ZNF106: variants seen among roughly 807,000 people sequenced by gnomAD.
ZNF106 encodes the protein SH3-domain binding protein 3.
Under a neutral mutation model 195.1 loss-of-function variants are expected in ZNF106, and 67 were observed. The ratio of observed to expected loss-of-function variants is 0.34; its 90% confidence interval spans 0.28 to 0.42. The LOEUF (loss-of-function observed/expected upper bound fraction) is 0.42, where lower values mean the gene tolerates loss of function less well. ZNF106 is among the 10% of genes least tolerant of loss of function. ZNF106 has a pLI of 1.00. For synonymous variants in ZNF106, 784 were observed against 818.6 expected (o/e 0.96, Z 0.72); for missense variants, 2,118 against 2,304.5 (o/e 0.92, Z 1.66).
At chr15:42,435,270 G>T in intron 14 of ZNF106, 114 bp downstream of exon 14, 1 of 1,432,038 alleles carries the variant, frequency 7.0e-7, no homozygotes, top group Non-Finnish European at 9.6e-7. Context: ...TTGTTTAGAA[G>T]CAAAAAGGAG....
At chr15:42,447,950 T>C in intron 6 of ZNF106, 122 bp downstream of exon 6, 1 of 1,172,890 alleles carries the variant, frequency 8.5e-7, no homozygotes, top group Non-Finnish European at 1.2e-6. Flanking sequence ...ACCTCACAAT[T>C]CTTCTAGAAG....
Position 42,448,596 on chromosome 15 carries a change from T to C in ZNF106, c.2611A>G (p.Ile871Val). ...CTTGCCAAGCCAGGGGACGAGGAAA[T>C]GGAAACACCTTCCCACTGGAATCCT... ...LEGFQWEGVS[I>V]SSSPGLARKR... Residue 871 changes from isoleucine (I) to valine (V), a missense_variant, in exon 6 of 22, where the codon ATT becomes GTT. By Grantham distance (29) the Ile-to-Val change is conservative (BLOSUM62 3). Coordinates refer to ENST00000564754, the MANE Select transcript of ZNF106 (RefSeq NM_001366845.3). 1.9e-6 allele frequency: 3 copies of C among 1,614,062 alleles called. No homozygotes were observed. The highest frequency in any genetic ancestry group is 2.5e-6 in the Non-Finnish European group (3 of 1,180,010).
intron 3 of ZNF106, among the ~76,000 whole-genome samples, chr15:42,461,640 G>GT (rs1360297668): frequency 6.6e-6 from 1 of 152,184 alleles, no homozygotes; most frequent in African/African-American, 2.4e-5. Flanking sequence ...CATGAACCAA[G>GT]TAAGACCAGT....
At position 42,414,315 on chromosome 15, in the gene ZNF106, G is replaced by T. The variant is rs1318857605; in HGVS notation, c.*2989C>A. 6.6e-6 allele frequency: 1 copy of T among 152,202 alleles called. No homozygotes were observed. Among genetic ancestry groups the T allele is most frequent in the Non-Finnish European group, 1.5e-5 (1 of 68,042 alleles). 9.4% of individuals were successfully genotyped at this position (152,202 alleles called of 1,614,324 possible). On this transcript the variant is annotated 3_prime_UTR_variant, in exon 22 of 22. Coordinates refer to ENST00000564754, the MANE Select transcript of ZNF106 (RefSeq NM_001366845.3). The stretch of plus-strand genomic sequence containing the variant: ...TGTAAGTAGTAACACACAGCCATAA[G>T]CAGCCAAAATGCTTATGGTCCCTTT...
Position 42,417,190 on chromosome 15 carries a change from G to T in ZNF106, c.*114C>A. On this transcript the variant is annotated 3_prime_UTR_variant, in exon 22 of 22. Transcript: ENST00000564754. ...CTTATGCTAGGGGTATGCCTGGCTA[G>T]TAACCACTTTCTCCTTCCTTACTTC... 1 of 1,153,126 alleles carries T rather than the reference G, an allele frequency of 8.7e-7. No individual in the cohort carries two copies. Among genetic ancestry groups the T allele is most frequent in the Non-Finnish European group, 1.3e-6 (1 of 787,746 alleles). 71.4% of individuals were successfully genotyped at this position (1,153,126 alleles called of 1,614,324 possible).
In ZNF106 at chr15:42,451,474, T is replaced by G. The variant is rs751784479; in HGVS notation, c.798A>C (p.Lys266Asn). The G allele has an allele frequency of 1.9e-6, 3 of 1,614,108 alleles. No individual in the cohort carries two copies. Among genetic ancestry groups the G allele is most frequent in the Non-Finnish European group, 2.5e-6 (3 of 1,180,062 alleles). ...AATTTCTGTTTCTGCCTGGTTGAAA[T>G]TTGTCTCCAGGGCCACTGTAATTCC... Reference protein sequence around the residue: ...NNWNYSGPGDKFQPGRNRNSN... With the variant: ...NNWNYSGPGDNFQPGRNRNSN... Residue 266 changes from lysine (K) to asparagine (N), a missense_variant, in exon 5 of 22, where the codon AAA (lysine) becomes AAC (asparagine). Coordinates refer to ENST00000564754, the MANE Select transcript of ZNF106 (RefSeq NM_001366845.3).
At chr15:42,444,388 C>A (rs1035727212) in intron 8 of ZNF106, 126 bp from the exon 9 acceptor site, 1 of 691,170 alleles carries the variant, frequency 1.4e-6, no homozygotes, top group South Asian at 2.0e-5. Flanking sequence ...ACCCAGCCAG[C>A]CGCAGGTTTT....
At chr15:42,486,201 G>A (rs2057012634) in intron 1 of ZNF106, among the ~76,000 whole-genome samples, 1 of 151,514 alleles carries the variant, frequency 6.6e-6, no homozygotes, top group Admixed American at 6.6e-5. Context: ...CTCGTGATCC[G>A]CCCACCTCAG....
At position 42,416,074 on chromosome 15, in the gene ZNF106, C is replaced by G. The variant is rs114274881; in HGVS notation, c.*1230G>C. 1 of 152,406 alleles carries G rather than the reference C, an allele frequency of 6.6e-6. No individual in the cohort carries two copies. Among genetic ancestry groups the G allele is most frequent in the African/African-American group, 2.4e-5 (1 of 41,410 alleles). The allele number at this position is 152,406 out of a possible 1,614,324, so 9.4% of individuals were successfully genotyped here. A position where few individuals can be genotyped will look rare whatever the true frequency, so the allele number is the denominator to read the frequency against. ...GATCCAGAAACAAAAGGCTGGAAAG[C>G]GACACTTCTACAGGTTTACTGATGA... On this transcript the variant is annotated 3_prime_UTR_variant, in exon 22 of 22. Transcript: ENST00000564754.
At chr15:42,436,251 C>A (rs913190324) in intron 13 of ZNF106, among the ~76,000 whole-genome samples, 14 of 152,116 alleles carry the variant, frequency 9.2e-5, no homozygotes, top group Non-Finnish European at 1.6e-4. Context: ...CTGTGCCCGG[C>A]CACTGGTGGT....
Position 42,439,312 on chromosome 15 carries a change from G to C in ZNF106, c.4265C>G (p.Ser1422Cys). 1 of 1,614,064 alleles carries C rather than the reference G, an allele frequency of 6.2e-7. No individual in the cohort carries two copies. The highest frequency in any genetic ancestry group is 8.5e-7 in the Non-Finnish European group (1 of 1,180,034). Residue 1422 changes from serine to cysteine, a missense_variant, in exon 11 of 22, where the codon TCC becomes TGC. Transcript: ENST00000564754. ...ACCAGTCCTGCTGTCTTCCCAAGTG[G>C]AGGTTGTTACTTTCCCCCCTTTAAT... ...KLIKGGKVTT[S>C]TWEDSRTGRE...
chr15:42,417,139 T>A lies in ZNF106; in HGVS notation c.*165A>T. The A allele has an allele frequency of 1.6e-6, 1 of 632,782 alleles. No homozygotes were observed. Among genetic ancestry groups the A allele is most frequent in the Admixed American group, 3.1e-5 (1 of 32,678 alleles). The allele number at this position is 632,782 out of a possible 1,614,324, so 39.2% of individuals were successfully genotyped here. A position where few individuals can be genotyped will look rare whatever the true frequency, so the allele number is the denominator to read the frequency against. ...CTCCAGCAAGAACTTAAAAGTGTAA[T>A]TTATCATCCCATAGAGCTGCCCAGA... is the stretch of plus-strand genomic sequence containing the variant. On this transcript the variant is annotated 3_prime_UTR_variant, in exon 22 of 22. Coordinates refer to ENST00000564754, the MANE Select transcript of ZNF106 (RefSeq NM_001366845.3).
rs1002138363 is a variant in ZNF106 at position 42,448,269 on chromosome 15, T to C, written c.2938A>G (p.Ser980Gly). ...GACGGTGGTATAGACCTCTCCTGGC[T>C]GTTCAAGTCTTTTGCCAAATGCATC... is the stretch of plus-strand genomic sequence containing the variant. ...PLMHLAKDLN[S>G]QERSIPPSEN... Residue 980 changes from serine (S) to glycine (G), a missense_variant, in exon 6 of 22, where the codon AGC (serine) becomes GGC (glycine). Transcript: ENST00000564754. The C allele has an allele frequency of 2.7e-5, 44 of 1,614,100 alleles. No individual in the cohort carries two copies. Among genetic ancestry groups the C allele is most frequent in the Non-Finnish European group, 3.6e-5 (43 of 1,180,038 alleles).
At chr15:42,468,014 GTTAC>G (rs1273770310) in intron 2 of ZNF106, among the ~76,000 whole-genome samples, 12 of 143,944 alleles carry the variant, frequency 8.3e-5, no homozygotes, top group African/African-American at 1.8e-4. Flanking sequence ...ACAACCCACT[GTTAC>G]TTAAAGTTAT....
At chr15:42,443,283 A>T (rs1291574398) in intron 9 of ZNF106, among the ~76,000 whole-genome samples, 1 of 152,142 alleles carries the variant, frequency 6.6e-6, no homozygotes, top group Non-Finnish European at 1.5e-5. Context: ...TTTCCATAAC[A>T]TATTGTCTGT....
At chr15:42,443,883 G>T (rs1253911943) in intron 9 of ZNF106, among the ~76,000 whole-genome samples, 2 of 152,014 alleles carry the variant, frequency 1.3e-5, no homozygotes, top group African/African-American at 4.8e-5. Context: ...GAGGCAGGCG[G>T]ATCACCTGAG....
rs922944789 is a variant in ZNF106 at position 42,466,448 on chromosome 15, T to TA, written c.55-335dup. Among the ~76,000 whole-genome samples the TA allele has an allele frequency of 3.9e-3, 588 of 149,308 alleles. 3 individuals are homozygous for TA. Among genetic ancestry groups the TA allele is most frequent in the African/African-American group, 0.013 (520 of 40,834 alleles). ...TATAAAGAATTTACTAAAGTTCATT[T>TA]AAAAAAAAAACCTTTCAAATCACTC... is the stretch of plus-strand genomic sequence containing the variant. On this transcript the variant is annotated intron_variant, in intron 2 of 21. Transcript: ENST00000564754.
At chr15:42,483,466 T>C (rs896903939) in intron 1 of ZNF106, among the ~76,000 whole-genome samples, 1 of 152,176 alleles carries the variant, frequency 6.6e-6, no homozygotes, top group African/African-American at 2.4e-5. Context: ...ATAGCAGCTG[T>C]TCATGAGGTG....
chr15:42,421,968 A>G lies in ZNF106; in HGVS notation c.5394T>C (p.Val1798=). The G allele has an allele frequency of 1.3e-6, 2 of 1,587,692 alleles. No homozygotes were observed. The highest frequency in any genetic ancestry group is 1.7e-6 in the Non-Finnish European group (2 of 1,166,012). The part of the protein sequence containing the change: ...YELQSHDRLQ[V]YGGHKDMIMC... ...TAATCATGTCTTTGTGTCCTCCATA[A>G]ACTTGTAATCGATCATGAGACTTAG... Residue 1798 remains valine, a synonymous_variant, in exon 19 of 22, where the codon GTT becomes GTC. Coordinates refer to ENST00000564754, the MANE Select transcript of ZNF106 (RefSeq NM_001366845.3).
Sources: gnomAD v4.1 joint callset for allele counts (sites outside exome capture counted in the v4.1 genomes callset) on GRCh38, gnomAD v4.1.1 for gene constraint, MANE v1.5 for transcripts, NCBI Gene and HGNC (gene_info 2026-07-23, HGNC 2026-07-21) for gene names.